SERPINA11: variants seen among roughly 807,000 people sequenced by gnomAD.
SERPINA11 encodes the protein serpin family A member 11.
A neutral mutation model predicts 29.4 loss-of-function variants in SERPINA11; 28 were observed. That is an observed-to-expected ratio of 0.95 (90% CI 0.70 to 1.30). The LOEUF (loss-of-function observed/expected upper bound fraction) is 1.30. SERPINA11 is among the 50% of genes most tolerant of loss of function. The pLI is 0.00. For synonymous variants in SERPINA11, 253 were observed against 206.6 expected (o/e 1.22, Z -1.92); for missense variants, 530 against 507.3 (o/e 1.04, Z -0.43).
chr14:94,445,501 G>T (rs1431438875), intron 3 of SERPINA11, among the ~76,000 whole-genome samples: 5 of 152,150 alleles, frequency 3.3e-5, no homozygotes, highest in African/African-American at 9.7e-5. Context: ...TGTTTACAAT[G>T]TTCTTAATAT....
intron 2 of SERPINA11, 39 bp downstream of exon 2, chr14:94,448,093 C>A: frequency 6.3e-7 from 1 of 1,587,910 alleles, no homozygotes; most frequent in South Asian, 1.1e-5. Context: ...CATTTACTTG[C>A]AGAGGCAGTG....
intron 3 of SERPINA11, 89 bp from the exon 4 acceptor site, chr14:94,443,314 A>G (rs1489832842): frequency 1.5e-6 from 2 of 1,337,584 alleles, no homozygotes; most frequent in Non-Finnish European, 2.1e-6. Flanking sequence ...GCCATGGGAG[A>G]GAGGCATTTC....
At chr14:94,449,928 G>A (rs941644038) in intron 1 of SERPINA11, among the ~76,000 whole-genome samples, 1 of 152,128 alleles carries the variant, frequency 6.6e-6, no homozygotes, top group African/African-American at 2.4e-5. Context: ...GCAAAGCCTC[G>A]GTCAGGCCCC....
intron 1 of SERPINA11, among the ~76,000 whole-genome samples, chr14:94,449,436 T>TCTTC (rs1898530166): frequency 4.8e-5 from 5 of 104,342 alleles, no homozygotes; most frequent in African/African-American, 2.8e-4. Flanking sequence ...TTTCTTTCTT[T>TCTTC]CTTTCTTTCT....
chr14:94,449,866 C>T (rs1898555304), intron 1 of SERPINA11, among the ~76,000 whole-genome samples: 1 of 152,170 alleles, frequency 6.6e-6, no homozygotes, highest in South Asian at 2.1e-4. Flanking sequence ...TCCCTCACAT[C>T]CAGCATGGCT....
chr14:94,451,318 G>A (rs1047240674), intron 1 of SERPINA11, among the ~76,000 whole-genome samples: 3 of 152,170 alleles, frequency 2.0e-5, no homozygotes, highest in African/African-American at 7.2e-5. Context: ...CTGTGGGCAC[G>A]CCCCCAAGGC....
At position 94,443,175 on chromosome 14, in the gene SERPINA11, A is replaced by G. The variant is rs760047096; in HGVS notation, c.968T>C (p.Leu323Pro). 1 of 1,614,016 alleles carries G rather than the reference A, an allele frequency of 6.2e-7. No homozygotes were observed. The highest frequency in any genetic ancestry group is 8.5e-7 in the Non-Finnish European group (1 of 1,179,906). ...PRFSISGTYN[L>P]EDILPQIGLT... ...ACCAATTTGGGGAAGTATGTCTTCC[A>G]GGTTATATGTTCCAGAAATTGAAAA... The change falls in exon 4 of 5, where the codon CTG becomes CCG. Residue 323 changes from leucine (L) to proline (P), a missense_variant. Coordinates refer to ENST00000334708, the MANE Select transcript of SERPINA11 (RefSeq NM_001080451.2).
At chr14:94,444,241 T>C (rs1346067129) in intron 3 of SERPINA11, among the ~76,000 whole-genome samples, 1 of 152,112 alleles carries the variant, frequency 6.6e-6, no homozygotes, top group Non-Finnish European at 1.5e-5. Context: ...TTAACAACTG[T>C]GAATGAATAC....
In SERPINA11 at chr14:94,448,525, G is replaced by A. The variant is rs1032583866; in HGVS notation, c.250C>T (p.Leu84=). The A allele has an allele frequency of 5.0e-6, 8 of 1,614,224 alleles. No individual in the cohort carries two copies. Among genetic ancestry groups the A allele is most frequent in the Non-Finnish European group, 6.8e-6 (8 of 1,180,048 alleles). The change falls in exon 2 of 5, where the codon CTG becomes TTG. Residue 84 remains leucine (L), a synonymous_variant. Coordinates refer to ENST00000334708, the MANE Select transcript of SERPINA11 (RefSeq NM_001080451.2). ...TGGGCCCCAAGAGAGAGCAGGGCCA[G>A]GGTGGTGGAGATGCTCACTGGCGAG... The part of the protein sequence containing the change: ...FFSPVSISTT[L]ALLSLGAQAN...
Position 94,442,560 on chromosome 14 carries a change from G to C in SERPINA11, c.*46C>G. The C allele has an allele frequency of 6.9e-7, 1 of 1,440,700 alleles. No homozygotes were observed. The highest frequency in any genetic ancestry group is 9.6e-7 in the Non-Finnish European group (1 of 1,046,270). The allele number at this position is 1,440,700 out of a possible 1,614,324, so 89.2% of individuals were successfully genotyped here. The stretch of plus-strand genomic sequence containing the variant: ...GATGCAGGCTGGTTCTGGCCTATCT[G>C]TTTGGTCCAGGATGAGATAAGATAA... On this transcript the variant is annotated 3_prime_UTR_variant, in exon 5 of 5. Coordinates refer to ENST00000334708, the MANE Select transcript of SERPINA11 (RefSeq NM_001080451.2).
chr14:94,449,471 T>G (rs373216881), intron 1 of SERPINA11, among the ~76,000 whole-genome samples: 6,005 of 107,712 alleles, frequency 0.056, 259 homozygotes, highest in East Asian at 0.088. Flanking sequence ...CTTTCTTTCT[T>G]TCTTTCTTTC....
In SERPINA11 at chr14:94,451,419, T is replaced by C. The variant is rs80107786; in HGVS notation, c.-4+1310A>G. Among the ~76,000 whole-genome samples the C allele has an allele frequency of 3.1e-3, 469 of 152,336 alleles. 2 individuals are homozygous for C. Among genetic ancestry groups the C allele is most frequent in the African/African-American group, 0.011 (447 of 41,576 alleles). ...TGGGTTCACTTAATGACAGCTTCCA[T>C]ACACTTCAGATTTTCTTTTGATCGA... On this transcript the variant is annotated intron_variant, in intron 1 of 4. Transcript: ENST00000334708.
At chr14:94,448,867 G>C in intron 1 of SERPINA11, 90 bp from the exon 2 acceptor site, 1 of 1,259,722 alleles carries the variant, frequency 7.9e-7, no homozygotes, top group Non-Finnish European at 1.1e-6. Flanking sequence ...CCTTCACAAT[G>C]TGCCCCACAG....
rs747921196 is a variant in SERPINA11 at position 94,448,575 on chromosome 14, G to C, written c.200C>G (p.Ala67Gly). Residue 67 changes from alanine to glycine, a missense_variant, in exon 2 of 5, where the codon GCA becomes GGA. Transcript: ENST00000334708. ...GAAGAAGATGTTTCCGGGGGCGTCT[G>C]CTGCCAGCTCTTTATACAAACGCAA... ...FALRLYKELA[A>G]DAPGNIFFSP... 4 of 1,614,194 alleles carry C rather than the reference G, an allele frequency of 2.5e-6. No homozygotes were observed. The highest frequency in any genetic ancestry group is 1.3e-5 in the African/African-American group (1 of 75,046).
intron 1 of SERPINA11, among the ~76,000 whole-genome samples, chr14:94,451,343 C>G (rs1352510034): frequency 6.6e-6 from 1 of 152,214 alleles, no homozygotes; most frequent in Admixed American, 6.5e-5. Context: ...TCCTCCCTTT[C>G]TCCAGCACAG....
chr14:94,451,331 C>T (rs993304360), intron 1 of SERPINA11, among the ~76,000 whole-genome samples: 8 of 152,176 alleles, frequency 5.3e-5, no homozygotes, highest in East Asian at 1.9e-4. Flanking sequence ...CCCAAGGCTA[C>T]GTCCTCCCTT....
chr14:94,449,425 C>CTTTCTTTCTTTCTT lies in SERPINA11; in HGVS notation c.-3-662_-3-649dup, dbSNP rs1898527574. ...CTTTCTATTCTTTCTTTCTTTCTTT[C>CTTTCTTTCTTTCTT]TTTCTTTCTTTCTTTCTTTCTTTCT... On this transcript the variant is annotated intron_variant, in intron 1 of 4. Coordinates refer to ENST00000334708, the MANE Select transcript of SERPINA11 (RefSeq NM_001080451.2). Among the ~76,000 whole-genome samples the CTTTCTTTCTTTCTT allele has an allele frequency of 5.5e-5, 5 of 90,592 alleles. No individual in the cohort carries two copies. In the Admixed American group the frequency reaches 5.7e-4, roughly 10 times the overall value. The allele number at this position is 90,592 out of a possible 152,430, so 59.4% of individuals were successfully genotyped here.
chr14:94,443,307 A>G (rs1331519985), intron 3 of SERPINA11, 82 bp from the exon 4 acceptor site: 6 of 1,395,230 alleles, frequency 4.3e-6, no homozygotes, highest in South Asian at 2.7e-5. Context: ...AGCCTGAGCC[A>G]TGGGAGAGAG....
intron 1 of SERPINA11, among the ~76,000 whole-genome samples, chr14:94,449,461 C>CTTTCTTTCTTTCT (rs1898535511): frequency 1.7e-5 from 2 of 114,384 alleles, no homozygotes; most frequent in African/African-American, 5.1e-5. Flanking sequence ...TTCTTTCTTT[C>CTTTCTTTCTTTCT]TTTCTTTCTT....
Sources: gnomAD v4.1 joint callset for allele counts (sites outside exome capture counted in the v4.1 genomes callset) on GRCh38, gnomAD v4.1.1 for gene constraint, MANE v1.5 for transcripts, NCBI Gene and HGNC (gene_info 2026-07-23, HGNC 2026-07-21) for gene names.